Variants in AFF3 observed in about 807,000 individuals in gnomAD.
The protein encoded by AFF3 is AF4/FMR2 family member 3.
Under a neutral mutation model 129.7 loss-of-function variants are expected in AFF3, and 32 were observed. The observed-to-expected ratio is 0.25, with a 90% confidence interval of 0.19 to 0.33. The LOEUF is 0.33. AFF3 is among the 10% of genes least tolerant of loss of function. The pLI, the probability that AFF3 is intolerant of heterozygous loss-of-function variation, is 1.00. For missense variants in AFF3, 1,373 were observed against 1,592.0 expected (o/e 0.86, Z 2.34); for synonymous variants, 644 against 635.4 (o/e 1.01, Z -0.20).
intron 7 of AFF3, among the ~76,000 whole-genome samples, chr2:99,968,267 G>A (rs1677988099): frequency 6.6e-6 from 1 of 152,180 alleles, no homozygotes; most frequent in African/African-American, 2.4e-5. Context: ...AACTTGGTCA[G>A]CAACTGACTT....
At chr2:99,877,501 C>T (rs1358810542) in intron 7 of AFF3, among the ~76,000 whole-genome samples, 1 of 152,128 alleles carries the variant, frequency 6.6e-6, no homozygotes, top group East Asian at 1.9e-4. Flanking sequence ...TGGTGAAAGC[C>T]ATTACAACTG....
At chr2:100,001,336 G>A (rs1345395749) in intron 7 of AFF3, among the ~76,000 whole-genome samples, 7 of 152,156 alleles carry the variant, frequency 4.6e-5, no homozygotes, top group African/African-American at 4.8e-5. Context: ...ACATTTTAAC[G>A]CACTTTCTTC....
rs1358336867 is a variant in AFF3, at chr2:99,551,558, G to A, written c.3597C>T (p.Val1199=). Residue 1199 remains valine (V), a synonymous_variant, in exon 25 of 25, where the codon GTC becomes GTT. Coordinates refer to ENST00000672756, the MANE Select transcript of AFF3 (RefSeq NM_001386135.1). ...FNDLDLLMGP[V]TLHSSMEHLV... ...GGTGCTCCATGCTGCTGTGCAGGGT[G>A]ACCGGCCCCATGAGCAGATCCAGGT... is the stretch of plus-strand genomic sequence containing the variant. The A allele has an allele frequency of 6.2e-7, 1 of 1,614,130 alleles. No individual in the cohort carries two copies.
intron 18 of AFF3, among the ~76,000 whole-genome samples, chr2:99,576,753 G>A (rs768505170): frequency 6.6e-6 from 1 of 151,960 alleles, no homozygotes; most frequent in Non-Finnish European, 1.5e-5. Flanking sequence ...CATGTTGTTG[G>A]GTTATGACTT....
At chr2:99,599,500 A>T (rs1258351075) in intron 14 of AFF3, among the ~76,000 whole-genome samples, 1 of 151,814 alleles carries the variant, frequency 6.6e-6, no homozygotes, top group Non-Finnish European at 1.5e-5. Context: ...CTCATGATCC[A>T]CCTGTTCAGC....
intron 11 of AFF3, among the ~76,000 whole-genome samples, chr2:99,711,055 G>A (rs966990246): frequency 6.6e-6 from 1 of 152,028 alleles, no homozygotes; most frequent in East Asian, 1.9e-4. Flanking sequence ...TCCTCCTGTC[G>A]CTCCTCCCCA....
At chr2:99,809,896 T>A (rs1324504917) in intron 8 of AFF3, among the ~76,000 whole-genome samples, 2 of 152,238 alleles carry the variant, frequency 1.3e-5, no homozygotes, top group Non-Finnish European at 2.9e-5. Flanking sequence ...TGTTTTCTGC[T>A]GAATAGAGCA....
chr2:100,033,037 C>T (rs934861245), intron 4 of AFF3, among the ~76,000 whole-genome samples: 1 of 152,140 alleles, frequency 6.6e-6, no homozygotes, highest in Non-Finnish European at 1.5e-5. Flanking sequence ...TTGGAATCAG[C>T]TTGCCAATTT....
chr2:99,573,227 C>G (rs780474836), intron 18 of AFF3, among the ~76,000 whole-genome samples: 13 of 152,160 alleles, frequency 8.5e-5, no homozygotes, highest in Non-Finnish European at 1.6e-4. Context: ...CGCACCCTGT[C>G]CCCCGCACCC....
At chr2:99,977,326 C>T (rs1452313119) in intron 7 of AFF3, among the ~76,000 whole-genome samples, 1 of 152,142 alleles carries the variant, frequency 6.6e-6, no homozygotes. Flanking sequence ...TCTCTCAGCT[C>T]GCCTCCACCA....
rs78606075 is a variant in AFF3, at chr2:100,113,915, G to C, written c.-144-8332C>G. 4.7e-3 allele frequency among the ~76,000 whole-genome samples: 710 copies of C among 152,130 alleles called. 2 individuals carry two copies. The highest frequency in any genetic ancestry group is 7.0e-3 in the Non-Finnish European group (475 of 67,994). ...GTAGAAGTCAGTAGGTCAAATGGGGGTTAGGGGAAGAAGCAGAATGAAGGG... is the reference window on the plus strand; with the variant it reads ...GTAGAAGTCAGTAGGTCAAATGGGGCTTAGGGGAAGAAGCAGAATGAAGGG... On this transcript the variant is annotated intron_variant, in intron 2 of 24. Transcript: ENST00000672756.
At chr2:99,741,363 C>A (rs1193199853) in intron 10 of AFF3, among the ~76,000 whole-genome samples, 6 of 152,196 alleles carry the variant, frequency 3.9e-5, no homozygotes, top group Non-Finnish European at 8.8e-5. Context: ...GAGGCAACTT[C>A]AGCAAAGTCT....
intron 4 of AFF3, among the ~76,000 whole-genome samples, chr2:100,059,254 C>CAAAAAAAAAA (rs59005550): frequency 3.5e-4 from 11 of 31,018 alleles, no homozygotes; most frequent in African/African-American, 4.6e-4. Context: ...ACTCTGTCTC[C>CAAAAAAAAAA]AAAAAAAAAA....
chr2:99,635,992 A>G (rs1360773483), intron 13 of AFF3, among the ~76,000 whole-genome samples: 1 of 152,190 alleles, frequency 6.6e-6, no homozygotes, highest in African/African-American at 2.4e-5. Flanking sequence ...GAACCTTCCA[A>G]CAACAGCGAA....
At chr2:99,740,664 G>T (rs1166744624) in intron 10 of AFF3, among the ~76,000 whole-genome samples, 1 of 151,144 alleles carries the variant, frequency 6.6e-6, no homozygotes, top group East Asian at 1.9e-4. Flanking sequence ...GGGGTTGTTT[G>T]TTTTTTTTCT....
chr2:99,897,313 G>A (rs1411082150), intron 7 of AFF3, among the ~76,000 whole-genome samples: 2 of 152,060 alleles, frequency 1.3e-5, no homozygotes, highest in African/African-American at 2.4e-5. Context: ...TCAGTCACAT[G>A]CAATTAATTT....
chr2:99,768,062 A>G (rs1683168746), intron 8 of AFF3, among the ~76,000 whole-genome samples: 1 of 152,172 alleles, frequency 6.6e-6, no homozygotes, highest in Non-Finnish European at 1.5e-5. Flanking sequence ...TTGTGTCTCA[A>G]TATTTTCAGT....
At chr2:99,890,567 C>T (rs1693471804) in intron 7 of AFF3, among the ~76,000 whole-genome samples, 1 of 152,102 alleles carries the variant, frequency 6.6e-6, no homozygotes, top group Admixed American at 6.6e-5. Flanking sequence ...GGGCAGGAGC[C>T]CCGGAGCAGG....
In AFF3 at chr2:99,549,910, C is replaced by G. The variant is rs896523816; in HGVS notation, c.*1564G>C. On this transcript the variant is annotated 3_prime_UTR_variant, in exon 25 of 25. Coordinates refer to ENST00000672756, the MANE Select transcript of AFF3 (RefSeq NM_001386135.1). ...TCTAAGTATTTTGTGCCGTCATCAC[C>G]TTGAAAAAATGGATTGCACCACATA... The G allele has an allele frequency of 4.4e-6, 1 of 225,078 alleles. No individual in the cohort carries two copies. The highest frequency in any genetic ancestry group is 8.8e-6 in the Non-Finnish European group (1 of 113,192). The allele number at this position is 225,078 out of a possible 1,614,324, so 13.9% of individuals were successfully genotyped here.
Sources: gnomAD v4.1 joint callset for allele counts (sites outside exome capture counted in the v4.1 genomes callset) on GRCh38, gnomAD v4.1.1 for gene constraint, MANE v1.5 for transcripts, NCBI Gene and HGNC (gene_info 2026-07-23, HGNC 2026-07-21) for gene names.